The following TENM1 variants were observed in gnomAD, a reference collection of about 807,000 sequenced individuals.
TENM1 encodes teneurin transmembrane protein 1, also known as teneurin-1.
TENM1 carries 35 observed loss-of-function variants against 174.8 expected under a neutral mutation model. The ratio of observed to expected loss-of-function variants is 0.20; its 90% CI spans 0.15 to 0.27. The LOEUF (loss-of-function observed/expected upper bound fraction) is 0.27. Among genes scored for constraint, TENM1 ranks in the 10% least tolerant of loss-of-function variants. The pLI is 1.00. For missense variants in TENM1, 1,633 were observed against 2,130.1 expected (o/e 0.77, Z 4.59); for synonymous variants, 781 against 798.7 (o/e 0.98, Z 0.37).
At position 124,647,585 on chromosome X, in the gene TENM1, A is replaced by G. The variant is rs148716689; in HGVS notation, c.1580-775T>C. Among the ~76,000 whole-genome samples the G allele has an allele frequency of 7.0e-4, 78 of 111,688 alleles. 1 individual carries two copies. The highest frequency in any genetic ancestry group is 2.4e-3 in the African/African-American group (75 of 30,777). On this transcript the variant is annotated intron_variant, in intron 8 of 31. Transcript: ENST00000422452. The stretch of plus-strand genomic sequence containing the variant: ...TACAGTAACTTCTCTGAAAATCTAT[A>G]ATATTATACAAATGTCAGTCTCTCT...
chrX:124,717,301 G>T lies in TENM1; in HGVS notation c.777-12050C>A, dbSNP rs779294332. ...TCTCTCAGCACAGAGACCTAGACAG[G>T]ACATCCATGATCCCCCTATGCCCAC... is the stretch of plus-strand genomic sequence containing the variant. On this transcript the variant is annotated intron_variant, in intron 4 of 31. Coordinates refer to ENST00000422452, the Ensembl canonical transcript of TENM1. Among the ~76,000 whole-genome samples the T allele has an allele frequency of 2.7e-5, 3 of 111,565 alleles. No homozygotes were observed. The South Asian group carries it at 1.1e-3, about 43-fold the overall frequency.
At chrX:124,783,063 C>A (rs1365816737) in intron 3 of TENM1, among the ~76,000 whole-genome samples, 1 of 111,439 alleles carries the variant, frequency 9.0e-6, no homozygotes, top group Non-Finnish European at 1.9e-5. Flanking sequence ...AGCTACCTAA[C>A]CAGAAAAGTT....
chrX:124,656,909 T>A (rs2051458571), intron 6 of TENM1, among the ~76,000 whole-genome samples: 1 of 109,917 alleles, frequency 9.1e-6, no homozygotes, highest in Admixed American at 9.7e-5. Context: ...AAGTCAGGAG[T>A]TCGAGATCAG....
chrX:124,777,214 C>A lies in TENM1; in HGVS notation c.536-40017G>T, dbSNP rs188117984. 5.4e-3 allele frequency among the ~76,000 whole-genome samples: 604 copies of A among 111,620 alleles called. 1 individual carries two copies. The highest frequency in any genetic ancestry group is 0.019 in the African/African-American group (574 of 30,772). Reference sequence around the variant, plus strand: ...ACTAATACTAACTTTCTGCTTACTGCTCTTAACCTCTGAAGGTCACAATGC... The same window carrying A: ...ACTAATACTAACTTTCTGCTTACTGATCTTAACCTCTGAAGGTCACAATGC... On this transcript the variant is annotated intron_variant, in intron 3 of 31. Coordinates refer to ENST00000422452, the Ensembl canonical transcript of TENM1.
chrX:124,600,095 C>T (rs1268854789), intron 11 of TENM1, among the ~76,000 whole-genome samples: 1 of 109,583 alleles, frequency 9.1e-6, no homozygotes, highest in African/African-American at 3.3e-5. Context: ...ACCATGAGGG[C>T]CTGGGAATAG....
At chrX:124,690,818 G>A (rs2052501668) in intron 5 of TENM1, among the ~76,000 whole-genome samples, 1 of 110,425 alleles carries the variant, frequency 9.1e-6, no homozygotes, top group Non-Finnish European at 1.9e-5. Flanking sequence ...CACGATGAGT[G>A]GAAGGGCTTT....
At chrX:124,734,256 T>C (rs1210364826) in intron 4 of TENM1, among the ~76,000 whole-genome samples, 2 of 110,863 alleles carry the variant, frequency 1.8e-5, no homozygotes, top group Non-Finnish European at 3.8e-5. Flanking sequence ...TCAAGACCAG[T>C]CTAGCCAATA....
At chrX:124,615,270 G>A (rs2050373250) in intron 11 of TENM1, among the ~76,000 whole-genome samples, 2 of 112,053 alleles carry the variant, frequency 1.8e-5, no homozygotes. Context: ...TGAGTTAAAA[G>A]ACTTAAAATT....
At chrX:124,392,316 A>T in exon 28 of TENM1, 1 of 1,208,095 alleles carries the variant, frequency 8.3e-7, no homozygotes, top group Non-Finnish European at 1.1e-6. Flanking sequence ...TTATATGATC[A>T]AAATCTATGG....
At chrX:124,404,589 C>A (rs1444286664) in intron 27 of TENM1, among the ~76,000 whole-genome samples, 1 of 111,344 alleles carries the variant, frequency 9.0e-6, no homozygotes, top group Non-Finnish European at 1.9e-5. Context: ...CAAATGTTGC[C>A]TTTTGTCTCA....
chrX:124,974,352 G>C, the TENM1 span, among the ~76,000 whole-genome samples: 1 of 111,466 alleles, frequency 9.0e-6, no homozygotes, highest in African/African-American at 3.3e-5. Flanking sequence ...AATGGCATTA[G>C]TTTACATGTA....
chrX:124,625,628 C>T (rs1202367806), intron 11 of TENM1, among the ~76,000 whole-genome samples: 1 of 110,879 alleles, frequency 9.0e-6, no homozygotes, highest in Non-Finnish European at 1.9e-5. Flanking sequence ...GTGGCTTCTG[C>T]TTCTGGGGAG....
At chrX:124,540,422 A>G (rs2048293564) in intron 15 of TENM1, among the ~76,000 whole-genome samples, 1 of 112,018 alleles carries the variant, frequency 8.9e-6, no homozygotes, top group South Asian at 3.7e-4. Flanking sequence ...TATACTTAAA[A>G]CAGTAATTAG....
chrX:125,032,865 C>T, the TENM1 span, among the ~76,000 whole-genome samples: 1 of 111,647 alleles, frequency 9.0e-6, no homozygotes, highest in Non-Finnish European at 1.9e-5. Flanking sequence ...GTGATTTTTG[C>T]TCTGCTTAAT....
chrX:124,809,553 TA>T (rs2055703128), intron 3 of TENM1, among the ~76,000 whole-genome samples: 1 of 111,470 alleles, frequency 9.0e-6, no homozygotes, highest in Admixed American at 9.5e-5. Context: ...TTTGATACAT[TA>T]CATTAAGAGA....
intron 28 of TENM1, among the ~76,000 whole-genome samples, chrX:124,387,774 A>G (rs1159824405): frequency 8.9e-6 from 1 of 112,114 alleles, no homozygotes; most frequent in Non-Finnish European, 1.9e-5. Context: ...TTTTCCACCA[A>G]CATTACGCCT....
the TENM1 span, among the ~76,000 whole-genome samples, chrX:125,003,311 T>TA: frequency 1.8e-5 from 2 of 111,843 alleles, no homozygotes; most frequent in African/African-American, 6.5e-5. Context: ...CCTCTTCATT[T>TA]AAAAATGTAA....
the TENM1 span, among the ~76,000 whole-genome samples, chrX:125,128,217 A>G: frequency 9.0e-6 from 1 of 111,569 alleles, no homozygotes; most frequent in East Asian, 2.8e-4. Context: ...CATTTCAAAC[A>G]TTCACTATAG....
intron 20 of TENM1, among the ~76,000 whole-genome samples, chrX:124,489,089 C>T (rs2147955349): frequency 8.9e-6 from 1 of 112,725 alleles, no homozygotes; most frequent in South Asian, 3.7e-4. Flanking sequence ...TGAGCCACCA[C>T]CAAAGTCAGT....
Sources: gnomAD v4.1 joint callset for allele counts (sites outside exome capture counted in the v4.1 genomes callset) on GRCh38, gnomAD v4.1.1 for gene constraint, MANE v1.5 for transcripts, NCBI Gene and HGNC (gene_info 2026-07-23, HGNC 2026-07-21) for gene names.